ARMH4: variants seen among roughly 807,000 people sequenced by gnomAD.
ARMH4 encodes the protein armadillo-like helical domain-containing protein 4.
ARMH4 carries 49 observed loss-of-function variants against 61.9 expected under a neutral mutation model. The ratio of observed to expected loss-of-function variants is 0.79; its 90% CI spans 0.63 to 1.00. ARMH4 has a LOEUF of 1.00. Ranked by LOEUF, ARMH4 falls within the 50% of genes least tolerant of loss-of-function variation. The probability of loss-of-function intolerance (pLI) is 0.00; values close to 1 mark genes in which losing one functional copy is unlikely to be tolerated. For synonymous variants in ARMH4, 368 were observed against 341.5 expected, an observed-to-expected ratio of 1.08 and a Z score of -0.85; for missense variants, 934 against 930.0, an observed-to-expected ratio of 1.00 and a Z score of -0.06.
chr14:58,111,053 C>T lies in ARMH4; in HGVS notation c.1832-14072G>A, dbSNP rs1213863977. 8.5e-5 allele frequency among the ~76,000 whole-genome samples: 13 copies of T among 152,242 alleles called. No homozygotes were observed. In the East Asian group the frequency reaches 2.5e-3, roughly 29 times the overall value. ...ACAGGCGTGAGCCACCACGCCCAGC[C>T]AGGATTTTTTTAATGGACTGGTTTA... On this transcript the variant is annotated intron_variant, in intron 4 of 7. Coordinates refer to ENST00000267485, the MANE Select transcript of ARMH4 (RefSeq NM_001001872.4).
intron 4 of ARMH4, among the ~76,000 whole-genome samples, chr14:58,098,289 T>A (rs1021259301): frequency 3.9e-5 from 6 of 152,184 alleles, no homozygotes; most frequent in African/African-American, 1.4e-4. Flanking sequence ...TTTAACTTTG[T>A]AGGATTAATG....
Position 58,138,917 on chromosome 14 carries a change from C to T in ARMH4, c.442G>A (p.Ala148Thr), listed in dbSNP as rs115307763. 1.2e-4 allele frequency: 197 copies of T among 1,614,200 alleles called. No homozygotes were observed. In the African/African-American group the frequency reaches 2.2e-3, roughly 18 times the overall value. ...GTCAGAGAAGGAGTCGCAGTGATAG[C>T]AATGGTTAACATGGCCTTGGCAAGT... ...SGLAKAMLTI[A>T]ITATPSLTVD... The change falls in exon 2 of 8, where the codon GCT becomes ACT. Residue 148 changes from alanine to threonine, a missense_variant. Transcript: ENST00000267485.
At chr14:58,020,753 G>GT (rs1407379101) in intron 5 of ARMH4, among the ~76,000 whole-genome samples, 3 of 152,222 alleles carry the variant, frequency 2.0e-5, no homozygotes, top group African/African-American at 7.2e-5. Flanking sequence ...AACCAACTGA[G>GT]TGGCAGAAAT....
intron 4 of ARMH4, among the ~76,000 whole-genome samples, chr14:58,115,767 T>C (rs1456886930): frequency 2.6e-5 from 4 of 152,150 alleles, no homozygotes; most frequent in African/African-American, 4.8e-5. Context: ...ATAATATGGA[T>C]GTACCTAGAG....
At chr14:58,010,252 AT>A in intron 6 of ARMH4, among the ~76,000 whole-genome samples, 1 of 152,200 alleles carries the variant, frequency 6.6e-6, no homozygotes. Flanking sequence ...ATATGTATAT[AT>A]ATATATGTGT....
At chr14:58,020,215 C>T (rs1252438522) in intron 5 of ARMH4, among the ~76,000 whole-genome samples, 2 of 152,276 alleles carry the variant, frequency 1.3e-5, no homozygotes, top group African/African-American at 4.8e-5. Context: ...CTGTTCAGTA[C>T]ACCCATGGGT....
At chr14:58,151,765 G>A (rs948587625) in intron 1 of ARMH4, among the ~76,000 whole-genome samples, 18 of 152,346 alleles carry the variant, frequency 1.2e-4, no homozygotes, top group African/African-American at 4.3e-4. Flanking sequence ...TGCAAGCTCC[G>A]CCAGCACAAA....
intron 4 of ARMH4, among the ~76,000 whole-genome samples, chr14:58,120,672 A>G (rs567811584): frequency 6.6e-6 from 1 of 152,286 alleles, no homozygotes; most frequent in African/African-American, 2.4e-5. Flanking sequence ...GGTTAAGATA[A>G]AGATTGTGGA....
chr14:58,119,389 CCAAT>C lies in ARMH4; in HGVS notation c.1831+12119_1831+12122del, dbSNP rs528463265. Among the ~76,000 whole-genome samples the C allele has an allele frequency of 6.5e-4, 99 of 152,300 alleles. No individual in the cohort carries two copies. The South Asian group carries it at 0.017, about 25-fold the overall frequency. On this transcript the variant is annotated intron_variant, in intron 4 of 7. Transcript: ENST00000267485. ...ATGCAATAAAATTCTCATGTTTGCA[CCAAT>C]CAAAGAATACTTACATATGTCTATC... is the stretch of plus-strand genomic sequence containing the variant.
At chr14:58,064,440 C>A (rs1299331694) in intron 5 of ARMH4, among the ~76,000 whole-genome samples, 4 of 152,146 alleles carry the variant, frequency 2.6e-5, no homozygotes, top group South Asian at 2.1e-4. Flanking sequence ...ACGACATTAT[C>A]AAGGAGTAAG....
rs139440579 is a variant in ARMH4 at position 58,019,035 on chromosome 14, C to T, written c.2090-6885G>A. 2.4e-3 allele frequency among the ~76,000 whole-genome samples: 366 copies of T among 149,778 alleles called. 2 individuals carry two copies. The highest frequency in any genetic ancestry group is 8.4e-3 in the African/African-American group (340 of 40,254). On this transcript the variant is annotated intron_variant, in intron 5 of 7. Coordinates refer to ENST00000267485, the MANE Select transcript of ARMH4 (RefSeq NM_001001872.4). ...AAGCTAGGCACAGAAAGACAAATATCGCACAATCTCACTTATATGTAGAAT... is the reference window on the plus strand; with the variant it reads ...AAGCTAGGCACAGAAAGACAAATATTGCACAATCTCACTTATATGTAGAAT...
intron 4 of ARMH4, among the ~76,000 whole-genome samples, chr14:58,103,137 A>G (rs1445615208): frequency 6.6e-6 from 1 of 151,312 alleles, no homozygotes; most frequent in Admixed American, 6.6e-5. Context: ...CCATCTCGAA[A>G]AAAAAAAAAA....
intron 4 of ARMH4, among the ~76,000 whole-genome samples, chr14:58,107,354 T>C (rs1048707216): frequency 6.6e-6 from 1 of 152,248 alleles, no homozygotes; most frequent in Non-Finnish European, 1.5e-5. Context: ...CTTTTTGGAA[T>C]AGCAATGATT....
At chr14:58,102,804 C>A (rs1224021477) in intron 4 of ARMH4, among the ~76,000 whole-genome samples, 1 of 111,178 alleles carries the variant, frequency 9.0e-6, no homozygotes, top group South Asian at 3.0e-4. Flanking sequence ...GGCGACAGAG[C>A]GAGACTCCGT....
At chr14:58,057,661 G>A (rs917580982) in intron 5 of ARMH4, among the ~76,000 whole-genome samples, 6 of 152,198 alleles carry the variant, frequency 3.9e-5, no homozygotes, top group African/African-American at 1.4e-4. Flanking sequence ...ATGCTGGACT[G>A]AGAGACAAAA....
intron 5 of ARMH4, among the ~76,000 whole-genome samples, chr14:58,081,279 A>G (rs1885216333): frequency 6.6e-6 from 1 of 152,006 alleles, no homozygotes; most frequent in South Asian, 2.1e-4. Flanking sequence ...CTCAGGCCCC[A>G]CCCAGACCTA....
Position 58,004,817 on chromosome 14 carries a change from A to C in ARMH4, c.2257-13T>G. ...TGAATTCTCTCTGCTAGAGAAAGAA[A>C]ACAGAAAAGCATTAAACTCTTTCTG... On this transcript the variant is annotated splice_polypyrimidine_tract_variant and intron_variant, in intron 7 of 7. Coordinates refer to ENST00000267485, the MANE Select transcript of ARMH4 (RefSeq NM_001001872.4). The C allele has an allele frequency of 1.2e-6, 2 of 1,605,788 alleles. No homozygotes were observed. Among genetic ancestry groups the C allele is most frequent in the Non-Finnish European group, 1.7e-6 (2 of 1,173,036 alleles).
At chr14:58,045,017 C>G (rs1188820047) in intron 5 of ARMH4, among the ~76,000 whole-genome samples, 1 of 152,170 alleles carries the variant, frequency 6.6e-6, no homozygotes, top group Non-Finnish European at 1.5e-5. Flanking sequence ...GTTGGTGGGA[C>G]TGTAAACTGG....
chr14:58,101,811 T>C (rs1013123513), intron 4 of ARMH4, among the ~76,000 whole-genome samples: 24 of 151,380 alleles, frequency 1.6e-4, no homozygotes, highest in Admixed American at 2.0e-4. Context: ...GGGGAGAGGG[T>C]GTGGAGAGGA....
Sources: gnomAD v4.1 joint callset for allele counts (sites outside exome capture counted in the v4.1 genomes callset) on GRCh38, gnomAD v4.1.1 for gene constraint, MANE v1.5 for transcripts, NCBI Gene and HGNC (gene_info 2026-07-23, HGNC 2026-07-21) for gene names.